SGIP1: variants seen among roughly 807,000 people sequenced by gnomAD.
SGIP1 encodes the protein SH3-containing GRB2-like protein 3-interacting protein 1.
SGIP1 carries 38 observed loss-of-function variants against 107.5 expected under a neutral mutation model. The ratio of observed to expected loss-of-function variants is 0.35; its 90% confidence interval spans 0.27 to 0.46. The LOEUF (loss-of-function observed/expected upper bound fraction) is 0.46. Among genes scored for constraint, SGIP1 ranks in the 20% least tolerant of loss-of-function variants. The pLI is 1.00. For missense variants in SGIP1, 929 were observed against 1,019.5 expected, an observed-to-expected ratio of 0.91 and a Z score of 1.21; for synonymous variants, 365 against 366.1, an observed-to-expected ratio of 1.00 and a Z score of 0.03.
At chr1:66,573,852 C>A (rs1197498178) in intron 1 of SGIP1, among the ~76,000 whole-genome samples, 1 of 151,924 alleles carries the variant, frequency 6.6e-6, no homozygotes, top group Admixed American at 6.6e-5. Context: ...TACAACAAAC[C>A]CCCATGACAA....
intron 1 of SGIP1, among the ~76,000 whole-genome samples, chr1:66,539,407 G>A (rs1252016196): frequency 9.9e-5 from 15 of 152,262 alleles, no homozygotes. Context: ...CTTGGGAAGC[G>A]ATGGGCCTCT....
intron 4 of SGIP1, among the ~76,000 whole-genome samples, chr1:66,636,318 G>A (rs2075770545): frequency 6.6e-6 from 1 of 152,176 alleles, no homozygotes; most frequent in South Asian, 2.1e-4. Context: ...CTATAAAGAA[G>A]CCTTTGGCTA....
At chr1:66,626,637 T>C (rs1300795681) in intron 2 of SGIP1, among the ~76,000 whole-genome samples, 1 of 152,192 alleles carries the variant, frequency 6.6e-6, no homozygotes, top group Non-Finnish European at 1.5e-5. Context: ...AAAACCTCAG[T>C]TGCCTTTTGC....
intron 1 of SGIP1, among the ~76,000 whole-genome samples, chr1:66,581,997 C>A (rs1273880253): frequency 6.6e-6 from 1 of 151,996 alleles, no homozygotes; most frequent in African/African-American, 2.4e-5. Flanking sequence ...ATCTCTGAGA[C>A]AAAGATGATG....
At chr1:66,573,470 G>T (rs4655496) in intron 1 of SGIP1, among the ~76,000 whole-genome samples, 26,108 of 152,004 alleles carry the variant, frequency 0.17, 2,674 homozygotes, top group East Asian at 0.45. Context: ...TATGTTTATT[G>T]CAGCACTATT....
At chr1:66,615,592 C>G (rs1054842825) in intron 1 of SGIP1, among the ~76,000 whole-genome samples, 1 of 152,082 alleles carries the variant, frequency 6.6e-6, no homozygotes, top group Admixed American at 6.5e-5. Context: ...CTGGTATTAT[C>G]CAGTATATTT....
Position 66,639,847 on chromosome 1 carries a change from G to T in SGIP1, c.228+14G>T. 6.2e-7 allele frequency: 1 copy of T among 1,604,978 alleles called. No homozygotes were observed. The highest frequency in any genetic ancestry group is 8.5e-7 in the Non-Finnish European group (1 of 1,173,308). On this transcript the variant is annotated intron_variant, in intron 5 of 24. Transcript: ENST00000371037. ...TGGGAAAGATATGTGAGTATCAGAA[G>T]AGTGTTTCTCTTTATTAAGTATTTT...
intron 1 of SGIP1, among the ~76,000 whole-genome samples, chr1:66,586,601 C>G (rs1439866880): frequency 6.6e-6 from 1 of 152,070 alleles, no homozygotes; most frequent in Non-Finnish European, 1.5e-5. Context: ...CCTTTATGCC[C>G]TTTAATCCTT....
At chr1:66,722,985 G>C (rs1263369083) in intron 19 of SGIP1, among the ~76,000 whole-genome samples, 1 of 152,148 alleles carries the variant, frequency 6.6e-6, no homozygotes, top group Non-Finnish European at 1.5e-5. Flanking sequence ...GCCATAAATA[G>C]TTGTAGGATA....
intron 1 of SGIP1, among the ~76,000 whole-genome samples, chr1:66,561,882 A>G (rs1046689931): frequency 2.0e-5 from 3 of 152,182 alleles, no homozygotes; most frequent in East Asian, 1.9e-4. Context: ...TCAGCGTTAT[A>G]GAAAAGTTAC....
At chr1:66,534,028 G>C (rs188888306), upstream of SGIP1, 206 of 425,882 alleles carry the variant, frequency 4.8e-4, 1 homozygote, top group East Asian at 7.4e-3. Flanking sequence ...GTGCTCTCCG[G>C]GGGTATTGTG....
chr1:66,654,140 G>A (rs112431176), intron 7 of SGIP1, among the ~76,000 whole-genome samples: 20 of 152,098 alleles, frequency 1.3e-4, no homozygotes, highest in Non-Finnish European at 2.2e-4. Flanking sequence ...AATGTATGCC[G>A]TATCTAGCTC....
rs1312815930 is a variant in SGIP1, at chr1:66,744,880, C to A, written c.*1785C>A. 1 of 152,254 alleles carries A rather than the reference C, an allele frequency of 6.6e-6. No homozygotes were observed. Among genetic ancestry groups the A allele is most frequent in the Non-Finnish European group, 1.5e-5 (1 of 67,844 alleles). 9.4% of individuals were successfully genotyped at this position (152,254 alleles called of 1,614,324 possible). Reference sequence around the variant, plus strand: ...ATATACTCATTTTATGTAAAGGTATCCAATTTGATTTTGAAACCAAAATAG... The same window carrying A: ...ATATACTCATTTTATGTAAAGGTATACAATTTGATTTTGAAACCAAAATAG... On this transcript the variant is annotated 3_prime_UTR_variant, in exon 25 of 25. Transcript: ENST00000371037.
intron 21 of SGIP1, among the ~76,000 whole-genome samples, chr1:66,735,233 T>C (rs542524327): frequency 6.6e-6 from 1 of 152,104 alleles, no homozygotes; most frequent in Non-Finnish European, 1.5e-5. Context: ...TTTAGTTTTT[T>C]GAGATGAAGT....
At chr1:66,659,353 A>G (rs891199752) in intron 7 of SGIP1, among the ~76,000 whole-genome samples, 2 of 152,292 alleles carry the variant, frequency 1.3e-5, no homozygotes, top group Admixed American at 1.3e-4. Flanking sequence ...CAGGGAGAAG[A>G]ATTCATAATT....
At chr1:66,653,349 A>G (rs751333731) in intron 7 of SGIP1, among the ~76,000 whole-genome samples, 21 of 151,310 alleles carry the variant, frequency 1.4e-4, no homozygotes, top group Non-Finnish European at 2.5e-4. Context: ...CCATTTCCTG[A>G]CATTTAAAAT....
chr1:66,538,570 C>T (rs1570978356), intron 1 of SGIP1, among the ~76,000 whole-genome samples: 1 of 152,186 alleles, frequency 6.6e-6, no homozygotes. Context: ...AGCACATACA[C>T]TATCCATGTT....
intron 3 of SGIP1, among the ~76,000 whole-genome samples, chr1:66,635,680 C>T (rs1369147274): frequency 6.6e-6 from 1 of 152,096 alleles, no homozygotes; most frequent in Non-Finnish European, 1.5e-5. Context: ...CCACATGGTC[C>T]CTAGTGCCTG....
chr1:66,672,613 G>T (rs192710776), intron 11 of SGIP1, among the ~76,000 whole-genome samples: 1 of 152,048 alleles, frequency 6.6e-6, no homozygotes, highest in Non-Finnish European at 1.5e-5. Context: ...ATCAATGAGG[G>T]GAATCAGATT....
Sources: gnomAD v4.1 joint callset for allele counts (sites outside exome capture counted in the v4.1 genomes callset) on GRCh38, gnomAD v4.1.1 for gene constraint, MANE v1.5 for transcripts, NCBI Gene and HGNC (gene_info 2026-07-23, HGNC 2026-07-21) for gene names.